The following ATP8B1 variants were observed in gnomAD, a reference collection of about 807,000 sequenced individuals.
ATP8B1 encodes phospholipid-transporting ATPase IC.
A neutral mutation model predicts 149.9 loss-of-function variants in ATP8B1; 80 were observed. The observed-to-expected ratio is 0.53, with a 90% CI of 0.45 to 0.64. The LOEUF is 0.64. Ranked by LOEUF, ATP8B1 falls within the 30% of genes least tolerant of loss-of-function variation. The probability of loss-of-function intolerance (pLI) is 0.00; values close to 1 mark genes in which losing one functional copy is unlikely to be tolerated. For missense variants in ATP8B1, 1,247 were observed against 1,552.6 expected (o/e 0.80, Z 3.31); for synonymous variants, 536 against 562.8 (o/e 0.95, Z 0.67).
At chr18:57,669,219 T>A (rs954894985) in intron 18 of ATP8B1, 99 bp downstream of exon 18, 1 of 1,273,508 alleles carries the variant, frequency 7.9e-7, no homozygotes, top group Middle Eastern at 2.1e-4. Flanking sequence ...GAAGTTACAA[T>A]TATCTCTTAA....
At chr18:57,772,596 A>G (rs888615466) in intron 1 of ATP8B1, among the ~76,000 whole-genome samples, 2 of 152,168 alleles carry the variant, frequency 1.3e-5, no homozygotes, top group African/African-American at 2.4e-5. Flanking sequence ...GGGAGAGGCC[A>G]TCTGAGTTCT....
At chr18:57,773,729 C>T (rs1297487383) in intron 1 of ATP8B1, among the ~76,000 whole-genome samples, 1 of 152,196 alleles carries the variant, frequency 6.6e-6, no homozygotes, top group African/African-American at 2.4e-5. Context: ...CTCCCAGGTG[C>T]TCATGCCAAA....
chr18:57,790,009 C>CTAAACATGATCAAAGCTACA (rs1468732071), intron 1 of ATP8B1, among the ~76,000 whole-genome samples: 1 of 152,194 alleles, frequency 6.6e-6, no homozygotes, highest in African/African-American at 2.4e-5. Flanking sequence ...GCAACTCAAA[C>CTAAACATGATCAAAGCTACA]TAAACATGAT....
At chr18:57,753,931 C>CAAAAAAAAAAAAAA (rs1218057370) in intron 1 of ATP8B1, among the ~76,000 whole-genome samples, 3 of 71,040 alleles carry the variant, frequency 4.2e-5, no homozygotes, top group African/African-American at 1.2e-4. Flanking sequence ...GACTCTGTCT[C>CAAAAAAAAAAAAAA]AAAAAAAAAA....
chr18:57,757,909 G>A (rs1360348207), intron 1 of ATP8B1, among the ~76,000 whole-genome samples: 4 of 152,060 alleles, frequency 2.6e-5, no homozygotes. Context: ...CTTCACTGTG[G>A]TTATGGAATT....
In ATP8B1 at chr18:57,694,575, T is replaced by C. The variant is rs1270051604; in HGVS notation, c.1029+7A>G. 1 of 1,524,428 alleles carries C rather than the reference T, an allele frequency of 6.6e-7. No individual in the cohort carries two copies. The highest frequency in any genetic ancestry group is 9.1e-7 in the Non-Finnish European group (1 of 1,099,408). 94.4% of individuals were successfully genotyped at this position (1,524,428 alleles called of 1,614,324 possible). A position where few individuals can be genotyped will look rare whatever the true frequency, so the allele number is the denominator to read the frequency against. ...ATGAGAGATCTACTGAGATGAAAAA[T>C]AAATACCGTGTAAACCATGTAGTTC... On this transcript the variant is annotated splice_region_variant and intron_variant, in intron 11 of 27. Transcript: ENST00000648908.
At chr18:57,790,132 C>G (rs28697158) in intron 1 of ATP8B1, among the ~76,000 whole-genome samples, 3,953 of 152,212 alleles carry the variant, frequency 0.026, 173 homozygotes, top group African/African-American at 0.091. Context: ...TTTACATCTT[C>G]AAATCCAACC....
At chr18:57,685,162 A>G (rs780660291) in intron 13 of ATP8B1, 47 bp from the exon 14 acceptor site, 1 of 1,601,438 alleles carries the variant, frequency 6.2e-7, no homozygotes, top group South Asian at 1.1e-5. Flanking sequence ...ACCTATGTCC[A>G]GAGGCCCCTC....
At chr18:57,774,419 G>A (rs937041493) in intron 1 of ATP8B1, among the ~76,000 whole-genome samples, 46 of 152,312 alleles carry the variant, frequency 3.0e-4, no homozygotes, top group African/African-American at 9.9e-4. Context: ...CCAACATGGC[G>A]AAGCCCCGTC....
rs1345796680 is a variant in ATP8B1 at position 57,671,593 on chromosome 18, G to A, written c.1820-13C>T. 6.4e-7 allele frequency: 1 copy of A among 1,570,558 alleles called. No individual in the cohort carries two copies. The highest frequency in any genetic ancestry group is 8.8e-7 in the Non-Finnish European group (1 of 1,140,588). ...TCTGGGGTTCTTACTGGTAGTAAAA[G>A]AAGGAAATAAACACAACAAAGTTTG... On this transcript the variant is annotated splice_polypyrimidine_tract_variant and intron_variant, in intron 16 of 27. Coordinates refer to ENST00000648908, the MANE Select transcript of ATP8B1 (RefSeq NM_001374385.1).
chr18:57,759,858 G>A (rs9965928), intron 1 of ATP8B1, among the ~76,000 whole-genome samples: 3 of 151,428 alleles, frequency 2.0e-5, no homozygotes, highest in African/African-American at 7.3e-5. Flanking sequence ...GGATGACTCA[G>A]AATAGGCCAC....
intron 2 of ATP8B1, among the ~76,000 whole-genome samples, chr18:57,709,980 ACTTTTT>A: frequency 6.8e-6 from 1 of 147,824 alleles, no homozygotes; most frequent in African/African-American, 2.5e-5. Context: ...ATGCCTGGCC[ACTTTTT>A]CTTTTCTTTT....
chr18:57,753,764 C>T (rs972576255), intron 1 of ATP8B1, among the ~76,000 whole-genome samples: 4 of 151,826 alleles, frequency 2.6e-5, no homozygotes, highest in Admixed American at 2.0e-4. Flanking sequence ...CCCATCTCTA[C>T]TAAAAATACA....
At chr18:57,767,842 C>A (rs1475051003) in intron 1 of ATP8B1, among the ~76,000 whole-genome samples, 1 of 151,510 alleles carries the variant, frequency 6.6e-6, no homozygotes, top group African/African-American at 2.4e-5. Flanking sequence ...CCTAAGCCAG[C>A]ACTGGTCCAG....
intron 2 of ATP8B1, 22 bp downstream of exon 2, chr18:57,731,605 C>A (rs2079766156): frequency 6.2e-7 from 1 of 1,613,204 alleles, no homozygotes; most frequent in Non-Finnish European, 8.5e-7. Context: ...GCGACCTAGT[C>A]ACCGGGACTT....
chr18:57,690,799 G>T (rs951442176), intron 12 of ATP8B1, among the ~76,000 whole-genome samples: 1 of 152,140 alleles, frequency 6.6e-6, no homozygotes, highest in South Asian at 2.1e-4. Context: ...ATGAACTCTG[G>T]CTGCTGGGTT....
chr18:57,701,867 T>G (rs943611867), intron 4 of ATP8B1, among the ~76,000 whole-genome samples: 1 of 151,948 alleles, frequency 6.6e-6, no homozygotes, highest in Non-Finnish European at 1.5e-5. Flanking sequence ...GGCTAATTTT[T>G]TTGTATTTTT....
intron 1 of ATP8B1, chr18:57,732,155 A>ATATATATGTATATATGTG (rs2079778110): frequency 2.3e-5 from 1 of 43,638 alleles, no homozygotes; most frequent in African/African-American, 8.4e-5. Flanking sequence ...GTATATATGT[A>ATATATATGTATATATGTG]TATATATGTA....
In ATP8B1 at chr18:57,655,176, A is replaced by C. The variant is rs1909905897; in HGVS notation, c.2931+18T>G. Reference sequence around the variant, plus strand: ...GAGCTCTACTTAGTAAATAACAATAATAACAACATTACATTACCTGCGCAG... The same window carrying C: ...GAGCTCTACTTAGTAAATAACAATACTAACAACATTACATTACCTGCGCAG... On this transcript the variant is annotated intron_variant, in intron 23 of 27. Coordinates refer to ENST00000648908, the MANE Select transcript of ATP8B1 (RefSeq NM_001374385.1). The C allele has an allele frequency of 6.4e-7, 1 of 1,574,268 alleles. No homozygotes were observed. The highest frequency in any genetic ancestry group is 1.7e-5 in the Admixed American group (1 of 59,976).
Sources: allele counts gnomAD v4.1 joint callset (sites outside exome capture counted in the v4.1 genomes callset), GRCh38; gene constraint gnomAD v4.1.1; transcripts MANE v1.5; gene names NCBI Gene and HGNC (gene_info 2026-07-23, HGNC 2026-07-21).